NLRP5: variants seen among roughly 807,000 people sequenced by gnomAD.
NLRP5 encodes NLR family pyrin domain containing 5.
Under a neutral mutation model 113.1 loss-of-function variants are expected in NLRP5, and 93 were observed. That is an observed-to-expected ratio of 0.82 (90% CI 0.70 to 0.98). NLRP5 has a LOEUF of 0.98. Among genes scored for constraint, NLRP5 ranks in the 50% least tolerant of loss-of-function variants. The probability of loss-of-function intolerance (pLI) is 0.00; values close to 1 mark genes in which losing one functional copy is unlikely to be tolerated. For synonymous variants in NLRP5, 751 were observed against 600.7 expected, an observed-to-expected ratio of 1.25 and a Z score of -3.66; for missense variants, 1,808 against 1,514.3, an observed-to-expected ratio of 1.19 and a Z score of -3.22.
chr19:55,998,658 A>ATG (rs145042875), upstream of NLRP5, among the ~76,000 whole-genome samples: 2,147 of 44,224 alleles, frequency 0.049, 144 homozygotes, highest in East Asian at 0.15. Context: ...GTCTCAAAAT[A>ATG]TGTGTGTGTG....
rs775727630 is a variant in NLRP5 at position 56,053,733 on chromosome 19, A to G, written c.3224A>G (p.Asn1075Ser). 8 of 1,613,832 alleles carry G rather than the reference A, an allele frequency of 5.0e-6. No homozygotes were observed. The highest frequency in any genetic ancestry group is 5.9e-6 in the Non-Finnish European group (7 of 1,179,884). ...CTGAAGAGCCTGGATCTCACGGACA[A>G]TGCCCTGGGTGACGGTGGGGTTGCT... Residue 1075 changes from asparagine (N) to serine (S), a missense_variant, in exon 13 of 15, where the codon AAT becomes AGT. By Grantham distance (46) the Asn-to-Ser change is conservative. Coordinates refer to ENST00000390649, the MANE Select transcript of NLRP5 (RefSeq NM_153447.4).
At chr19:56,004,233 G>A (rs1981769520) in intron 2 of NLRP5, 138 bp downstream of exon 2, 6 of 910,372 alleles carry the variant, frequency 6.6e-6, no homozygotes, top group Non-Finnish European at 8.2e-6. Flanking sequence ...GATCCTATTG[G>A]TCATCGTCAT....
At position 56,027,879 on chromosome 19, in the gene NLRP5, A is replaced by G; in HGVS notation, c.1646A>G (p.Asp549Gly). Reference sequence around the variant, plus strand: ...AATAGGAAGTCAGTGTTTGACGGTGACGACCTCATGGTTCAAGGACTCGGG... The same window carrying G: ...AATAGGAAGTCAGTGTTTGACGGTGGCGACCTCATGGTTCAAGGACTCGGG... The change falls in exon 7 of 15, where the codon GAC (aspartate) becomes GGC (glycine). Residue 549 changes from aspartate (D) to glycine (G), a missense_variant. By Grantham distance (94) the Asp-to-Gly change is moderately conservative. Transcript: ENST00000390649. 1 of 1,613,886 alleles carries G rather than the reference A, an allele frequency of 6.2e-7. No individual in the cohort carries two copies. The highest frequency in any genetic ancestry group is 1.1e-5 in the South Asian group (1 of 91,058).
chr19:56,034,080 T>G (rs1247906798), intron 9 of NLRP5, among the ~76,000 whole-genome samples: 2 of 152,130 alleles, frequency 1.3e-5, no homozygotes, highest in African/African-American at 4.8e-5. Flanking sequence ...AGATTTTAAT[T>G]GTATAGAGGT....
At chr19:56,023,334 C>T (rs543672430) in intron 6 of NLRP5, among the ~76,000 whole-genome samples, 1 of 152,214 alleles carries the variant, frequency 6.6e-6, no homozygotes, top group South Asian at 2.1e-4. Flanking sequence ...AATAGAGGTT[C>T]TAGTCTTAAG....
In NLRP5 at chr19:56,037,241, C is replaced by T. The variant is rs375952514; in HGVS notation, c.2616-784C>T. 1.1e-4 allele frequency among the ~76,000 whole-genome samples: 17 copies of T among 152,284 alleles called. No homozygotes were observed. The South Asian group carries it at 1.9e-3, about 17-fold the overall frequency. ...AATACTGCCGGTCATCCCGGAAGCT[C>T]GTGCCCTTCAGCAAATGCTCGAGTG... On this transcript the variant is annotated intron_variant, in intron 9 of 14. Coordinates refer to ENST00000390649, the MANE Select transcript of NLRP5 (RefSeq NM_153447.4).
chr19:56,010,875 GAC>G (rs984672370), intron 3 of NLRP5, among the ~76,000 whole-genome samples: 3 of 151,740 alleles, frequency 2.0e-5, no homozygotes, highest in Non-Finnish European at 4.4e-5. Flanking sequence ...GATGTGGCTG[GAC>G]ACAGTGACTC....
At chr19:56,025,031 T>G (rs1381449543) in intron 6 of NLRP5, among the ~76,000 whole-genome samples, 1 of 117,150 alleles carries the variant, frequency 8.5e-6, no homozygotes, top group African/African-American at 3.4e-5. Flanking sequence ...ACTGCACATG[T>G]GAGGGATCTG....
chr19:56,014,896 C>G (rs1982346330), intron 3 of NLRP5, among the ~76,000 whole-genome samples: 1 of 152,130 alleles, frequency 6.6e-6, no homozygotes. Context: ...TGTTGAATTT[C>G]CATGTGACTT....
chr19:56,018,988 G>A (rs1982510367), intron 4 of NLRP5, among the ~76,000 whole-genome samples: 2 of 152,018 alleles, frequency 1.3e-5, no homozygotes, highest in Non-Finnish European at 2.9e-5. Context: ...TAGAGATGGG[G>A]TTTCATCATA....
Position 56,028,378 on chromosome 19 carries a change from C to T in NLRP5, c.2145C>T (p.Asn715=), listed in dbSNP as rs768538667. ...TCCAAGAAGTGTGGCTTCCGATTAACCAGAACCTGGACTTGATAGCATCTT... is the reference window on the plus strand; with the variant it reads ...TCCAAGAAGTGTGGCTTCCGATTAATCAGAACCTGGACTTGATAGCATCTT... The change falls in exon 7 of 15, where the codon AAC becomes AAT. Residue 715 remains asparagine (N), a synonymous_variant. Transcript: ENST00000390649. 1 of 1,614,012 alleles carries T rather than the reference C, an allele frequency of 6.2e-7. No individual in the cohort carries two copies. The highest frequency in any genetic ancestry group is 1.1e-5 in the South Asian group (1 of 91,084).
chr19:55,996,781 T>A (rs11883138), upstream of NLRP5, among the ~76,000 whole-genome samples: 4,608 of 152,266 alleles, frequency 0.03, 223 homozygotes, highest in African/African-American at 0.11. Flanking sequence ...TTGTGAATAG[T>A]GCCACAATAA....
rs1042345252 is a variant in NLRP5, at chr19:56,008,455, C to T, written c.443-333C>T. 9.2e-5 allele frequency among the ~76,000 whole-genome samples: 14 copies of T among 152,210 alleles called. 1 individual carries two copies. Among genetic ancestry groups the T allele is most frequent in the African/African-American group, 3.1e-4 (13 of 41,552 alleles). ...TCATAGGCATCTAGTGAGTCATTGACTAACTGGGTCTGGAGTTCAAGACAG... is the reference window on the plus strand; with the variant it reads ...TCATAGGCATCTAGTGAGTCATTGATTAACTGGGTCTGGAGTTCAAGACAG... On this transcript the variant is annotated intron_variant, in intron 2 of 14. Transcript: ENST00000390649.
Position 56,061,390 on chromosome 19 carries a change from C to A in NLRP5, c.3471-6C>A, listed in dbSNP as rs1210006590. 1.2e-6 allele frequency: 2 copies of A among 1,613,510 alleles called. No homozygotes were observed. Among genetic ancestry groups the A allele is most frequent in the Admixed American group, 3.3e-5 (2 of 59,964 alleles). ...TCAGTAACGAGTCCTCTCTCTGCCT[C>A]CCCAGGCTGTGGAAATGGCAGTACC... On this transcript the variant is annotated splice_region_variant and splice_polypyrimidine_tract_variant and intron_variant, in intron 14 of 14. Coordinates refer to ENST00000390649, the MANE Select transcript of NLRP5 (RefSeq NM_153447.4).
At chr19:56,056,239 C>T (rs569018889) in intron 13 of NLRP5, among the ~76,000 whole-genome samples, 3 of 152,166 alleles carry the variant, frequency 2.0e-5, no homozygotes, top group Admixed American at 6.5e-5. Context: ...TGATCTGCAC[C>T]AGTACACACT....
At chr19:56,033,911 T>A (rs1983215878) in intron 9 of NLRP5, among the ~76,000 whole-genome samples, 1 of 152,078 alleles carries the variant, frequency 6.6e-6, no homozygotes, top group Non-Finnish European at 1.5e-5. Flanking sequence ...AAATACTTTA[T>A]CACAATTAAA....
chr19:55,991,266 T>C, the NLRP5 span, among the ~76,000 whole-genome samples: 1 of 152,202 alleles, frequency 6.6e-6, no homozygotes, highest in Non-Finnish European at 1.5e-5. Context: ...TTTCAAAATT[T>C]AGCCCCCGGA....
chr19:56,005,362 T>C lies in NLRP5; in HGVS notation c.442+1267T>C, dbSNP rs558534650. On this transcript the variant is annotated intron_variant, in intron 2 of 14. Coordinates refer to ENST00000390649, the MANE Select transcript of NLRP5 (RefSeq NM_153447.4). ...ACATACACATACACATATATTTTTA[T>C]ATACACACATATATATTTATATATA... Among the ~76,000 whole-genome samples the C allele has an allele frequency of 4.3e-4, 62 of 145,694 alleles. No homozygotes were observed. The East Asian group carries it at 0.011, about 26-fold the overall frequency.
Position 56,027,205 on chromosome 19 carries a change from G to A in NLRP5, c.972G>A (p.Met324Ile), listed in dbSNP as rs1982894333. ...TCTTCTTCCTCCCCGTTAGAGAGAT[G>A]CAGCGGAAGAAGGAGAGCAGTGTCA... The change falls in exon 7 of 15, where the codon ATG becomes ATA. Residue 324 changes from methionine to isoleucine, a missense_variant. Transcript: ENST00000390649. 1 of 1,611,602 alleles carries A rather than the reference G, an allele frequency of 6.2e-7. No individual in the cohort carries two copies.
Sources: allele counts gnomAD v4.1 joint callset (sites outside exome capture counted in the v4.1 genomes callset), GRCh38; gene constraint gnomAD v4.1.1; transcripts MANE v1.5; gene names NCBI Gene and HGNC (gene_info 2026-07-23, HGNC 2026-07-21).